Variants in ZZEF1 observed in about 807,000 individuals in gnomAD.
ZZEF1 encodes the protein zinc finger ZZ-type and EF-hand domain containing 1, also known as zinc finger ZZ-type and EF-hand domain-containing protein 1.
ZZEF1 carries 157 observed loss-of-function variants against 342.8 expected under a neutral mutation model. The observed-to-expected ratio is 0.46, with a 90% CI of 0.40 to 0.52. The LOEUF (loss-of-function observed/expected upper bound fraction) is 0.52, where lower values mean the gene tolerates loss of function less well. ZZEF1 is among the 20% of genes least tolerant of loss of function. ZZEF1 has a pLI of 0.00. For missense variants in ZZEF1, 3,480 were observed against 3,725.6 expected (o/e 0.93, Z 1.72); for synonymous variants, 1,505 against 1,429.1 (o/e 1.05, Z -1.20).
At chr17:4,074,983 C>G in intron 23 of ZZEF1, 114 bp downstream of exon 23, 1 of 1,062,888 alleles carries the variant, frequency 9.4e-7, no homozygotes, top group Admixed American at 2.3e-5. Context: ...CTTTCACAAA[C>G]GTGTAACATA....
chr17:4,109,032 T>A (rs1326051241), intron 6 of ZZEF1, among the ~76,000 whole-genome samples: 1 of 152,262 alleles, frequency 6.6e-6, no homozygotes, highest in Non-Finnish European at 1.5e-5. Flanking sequence ...GTATTTGTCT[T>A]ATATGTTACT....
chr17:4,055,931 G>A (rs1375847111), intron 33 of ZZEF1, among the ~76,000 whole-genome samples: 8 of 152,170 alleles, frequency 5.3e-5, no homozygotes, highest in South Asian at 2.1e-4. Flanking sequence ...CATAAGCAGC[G>A]CACAAACTAG....
chr17:4,010,019 C>A lies in ZZEF1; in HGVS notation c.8580-262G>T, dbSNP rs546652028. 2.0e-4 allele frequency among the ~76,000 whole-genome samples: 31 copies of A among 152,240 alleles called. 1 individual carries two copies. The highest frequency in any genetic ancestry group is 5.8e-4 in the East Asian group (3 of 5,174). ...AAATGTGCTCACGGGGATTACTGTG[C>A]ATCTTGAAAAATGGATGTTACGGGC... is the stretch of plus-strand genomic sequence containing the variant. On this transcript the variant is annotated intron_variant, in intron 52 of 54. Coordinates refer to ENST00000381638, the MANE Select transcript of ZZEF1 (RefSeq NM_015113.4).
chr17:4,064,867 A>T, intron 28 of ZZEF1, 38 bp from the exon 29 acceptor site: 2 of 1,399,318 alleles, frequency 1.4e-6, no homozygotes, highest in Non-Finnish European at 1.9e-6. Context: ...AAAAAAAAAA[A>T]GTTAAAATTA....
At chr17:4,055,958 G>C (rs982092269) in intron 33 of ZZEF1, among the ~76,000 whole-genome samples, 5 of 152,206 alleles carry the variant, frequency 3.3e-5, no homozygotes, top group Non-Finnish European at 7.3e-5. Context: ...CGCATGCGCG[G>C]TTTATTGTGG....
chr17:4,123,891 TA>T lies in ZZEF1; in HGVS notation c.499+15del, dbSNP rs1379728192. The stretch of plus-strand genomic sequence containing the variant: ...TTCACTTTGGTTCTAAGACAGCACC[TA>T]GATGGAAGCCTCACCTGGAACCAGA... On this transcript the variant is annotated intron_variant, in intron 2 of 54. Transcript: ENST00000381638. The T allele has an allele frequency of 1.9e-6, 3 of 1,610,726 alleles. No homozygotes were observed. Among genetic ancestry groups the T allele is most frequent in the Non-Finnish European group, 2.5e-6 (3 of 1,178,902 alleles).
intron 52 of ZZEF1, among the ~76,000 whole-genome samples, chr17:4,010,933 G>C (rs913037541): frequency 6.6e-6 from 1 of 151,796 alleles, no homozygotes; most frequent in African/African-American, 2.4e-5. Context: ...AAACAGAAAA[G>C]AACACTTAAG....
At chr17:4,090,861 T>C in intron 11 of ZZEF1, 31 bp from the exon 12 acceptor site, 1 of 1,572,596 alleles carries the variant, frequency 6.4e-7, no homozygotes, top group Non-Finnish European at 8.7e-7. Flanking sequence ...ACAAAACATT[T>C]TATTTTGAAA....
Position 4,142,553 on chromosome 17 carries a change from G to C in ZZEF1, c.343C>G (p.Gln115Glu). 2 of 1,598,608 alleles carry C rather than the reference G, an allele frequency of 1.3e-6. No homozygotes were observed. Among genetic ancestry groups the C allele is most frequent in the African/African-American group, 1.3e-5 (1 of 74,684 alleles). ...EARGAGCSSEQFEEAFAQFDA... is the reference protein window; with the variant it reads ...EARGAGCSSEEFEEAFAQFDA... ...CTGCCGGCCCTGACCTCCTCGAACT[G>C]CTCGCTAGAGCAGCCGGCGCCGCGA... Residue 115 changes from glutamine to glutamate, a missense_variant, in exon 1 of 55, where the codon CAG becomes GAG. Gln to Glu is a conservative substitution (Grantham distance 29). Transcript: ENST00000381638.
Position 4,013,623 on chromosome 17 carries a change from C to G in ZZEF1, c.8414-9G>C, listed in dbSNP as rs183714485. 6.2e-7 allele frequency: 1 copy of G among 1,606,736 alleles called. No homozygotes were observed. The highest frequency in any genetic ancestry group is 8.5e-7 in the Non-Finnish European group (1 of 1,175,478). On this transcript the variant is annotated splice_polypyrimidine_tract_variant and intron_variant, in intron 51 of 54. Transcript: ENST00000381638. ...CTTCAAAATCTCGAATCCTGGCCAACACCCCAAAACACGGATATATAAACA... is the reference window on the plus strand; with the variant it reads ...CTTCAAAATCTCGAATCCTGGCCAAGACCCCAAAACACGGATATATAAACA...
intron 5 of ZZEF1, among the ~76,000 whole-genome samples, chr17:4,110,171 T>C (rs1268244444): frequency 2.0e-5 from 3 of 152,218 alleles, no homozygotes; most frequent in Non-Finnish European, 4.4e-5. Flanking sequence ...AAAACAAGCC[T>C]GTCTGAATAC....
intron 37 of ZZEF1, among the ~76,000 whole-genome samples, chr17:4,046,528 T>C (rs2056916902): frequency 6.6e-6 from 1 of 152,186 alleles, no homozygotes; most frequent in African/African-American, 2.4e-5. Context: ...GGAGGTGACA[T>C]GCCGTCTCCC....
chr17:4,128,345 TAA>T (rs74340131), intron 1 of ZZEF1, among the ~76,000 whole-genome samples: 51,426 of 80,432 alleles, frequency 0.64, 15,660 homozygotes, highest in Non-Finnish European at 0.7. Context: ...CAGACTGTCT[TAA>T]AAAAAAAAAA....
chr17:4,038,589 G>A (rs1311184152), intron 39 of ZZEF1, among the ~76,000 whole-genome samples: 1 of 152,146 alleles, frequency 6.6e-6, no homozygotes, highest in Non-Finnish European at 1.5e-5. Context: ...TGGATCACTG[G>A]AGGCCAGGAG....
Position 4,004,994 on chromosome 17 carries a change from C to A in ZZEF1, c.*1896G>T, listed in dbSNP as rs866663020. On this transcript the variant is annotated 3_prime_UTR_variant, in exon 55 of 55. Transcript: ENST00000381638. ...CTGACGGGAGGATGGAGTACAGCGG[C>A]GGCCACTGCCATAGGGGAGGTGACT... 1 of 152,468 alleles carries A rather than the reference C, an allele frequency of 6.6e-6. No individual in the cohort carries two copies. The highest frequency in any genetic ancestry group is 2.4e-5 in the African/African-American group (1 of 41,592). 9.4% of individuals were successfully genotyped at this position (152,468 alleles called of 1,614,324 possible).
intron 52 of ZZEF1, among the ~76,000 whole-genome samples, chr17:4,011,137 C>T (rs1416003902): frequency 1.3e-5 from 2 of 151,790 alleles, no homozygotes; most frequent in South Asian, 2.1e-4. Context: ...AGCGGTGGCT[C>T]ATACCTACAA....
At chr17:4,106,471 A>G (rs2058214360) in intron 6 of ZZEF1, among the ~76,000 whole-genome samples, 1 of 132,084 alleles carries the variant, frequency 7.6e-6, no homozygotes. Context: ...TTTGTTCAGC[A>G]GCAACAGGGA....
At chr17:4,118,667 C>T (rs1007569589) in intron 2 of ZZEF1, among the ~76,000 whole-genome samples, 9 of 152,192 alleles carry the variant, frequency 5.9e-5, no homozygotes, top group African/African-American at 2.2e-4. Flanking sequence ...AATGCACTGC[C>T]TCCAAAATCC....
chr17:4,007,072 G>C (rs1597741304), intron 54 of ZZEF1, 102 bp from the exon 55 acceptor site: 2 of 1,079,222 alleles, frequency 1.9e-6, no homozygotes, highest in Non-Finnish European at 1.3e-6. Context: ...TGGGGACGGA[G>C]GAGGGGAACC....
Sources: allele counts gnomAD v4.1 joint callset (sites outside exome capture counted in the v4.1 genomes callset), GRCh38; gene constraint gnomAD v4.1.1; transcripts MANE v1.5; gene names NCBI Gene and HGNC (gene_info 2026-07-23, HGNC 2026-07-21).